Variants in MRPS27 observed in about 807,000 individuals in gnomAD.
MRPS27 encodes the protein small ribosomal subunit protein mS27.
MRPS27 carries 43 observed loss-of-function variants against 48.9 expected under a neutral mutation model. The ratio of observed to expected loss-of-function variants is 0.88; its 90% CI spans 0.69 to 1.13. The LOEUF is 1.13. Ranked by LOEUF, MRPS27 falls within the 50% of genes most tolerant of loss-of-function variation. MRPS27 has a pLI of 0.00. For missense variants in MRPS27, 467 were observed against 476.3 expected (o/e 0.98, Z 0.18); for synonymous variants, 188 against 171.9 (o/e 1.09, Z -0.73).
chr5:72,255,432 G>A (rs894945966), intron 4 of MRPS27, among the ~76,000 whole-genome samples: 7 of 152,064 alleles, frequency 4.6e-5, no homozygotes, highest in Middle Eastern at 3.2e-3. Flanking sequence ...AGGGCTAAAA[G>A]CCTATTAAGT....
intron 2 of MRPS27, among the ~76,000 whole-genome samples, chr5:72,311,946 A>C (rs1471066042): frequency 6.6e-6 from 1 of 152,188 alleles, no homozygotes; most frequent in Admixed American, 6.5e-5. Context: ...CAGCCTGGCC[A>C]ATAGGCAAAA....
intron 1 of MRPS27, among the ~76,000 whole-genome samples, chr5:72,318,974 T>C (rs1165236231): frequency 6.6e-6 from 1 of 152,228 alleles, no homozygotes; most frequent in East Asian, 1.9e-4. Context: ...TTTCACCAGG[T>C]CAGCCACTTA....
At chr5:72,300,709 T>C (rs1028838694) in intron 2 of MRPS27, among the ~76,000 whole-genome samples, 5 of 152,212 alleles carry the variant, frequency 3.3e-5, no homozygotes, top group African/African-American at 1.2e-4. Context: ...TATATATTTC[T>C]CATCACCACT....
At chr5:72,275,296 T>TA (rs1749345242) in intron 4 of MRPS27, among the ~76,000 whole-genome samples, 1 of 151,960 alleles carries the variant, frequency 6.6e-6, no homozygotes, top group South Asian at 2.1e-4. Flanking sequence ...ACAAAGAGAA[T>TA]AAAATACCTA....
chr5:72,234,046 G>C, intron 6 of MRPS27, 73 bp downstream of exon 6: 1 of 1,343,940 alleles, frequency 7.4e-7, no homozygotes, highest in Non-Finnish European at 9.6e-7. Context: ...AAAAGGGGAA[G>C]TTCCTACATT....
At chr5:72,274,203 T>C (rs1034349850) in intron 4 of MRPS27, among the ~76,000 whole-genome samples, 1 of 151,918 alleles carries the variant, frequency 6.6e-6, no homozygotes, top group Admixed American at 6.6e-5. Context: ...AAAACACAAA[T>C]ATTAGCTGGG....
In MRPS27 at chr5:72,276,715, GA is replaced by G. The variant is rs375048550; in HGVS notation, c.281+18815del. 7.6e-3 allele frequency among the ~76,000 whole-genome samples: 1,089 copies of G among 142,750 alleles called. 6 individuals carry two copies. Among genetic ancestry groups the G allele is most frequent in the African/African-American group, 0.025 (981 of 39,178 alleles). The allele number at this position is 142,750 out of a possible 152,430, so 93.6% of individuals were successfully genotyped here. A position where few individuals can be genotyped will look rare whatever the true frequency, so the allele number is the denominator to read the frequency against. On this transcript the variant is annotated intron_variant, in intron 4 of 10. Coordinates refer to ENST00000261413, the MANE Select transcript of MRPS27 (RefSeq NM_015084.3). ...GTCTGCAAGGAACTTAAATTTACCAGAAAAAAAAAAAATGCCACTAAAAAGT... is the reference window on the plus strand; with the variant it reads ...GTCTGCAAGGAACTTAAATTTACCAGAAAAAAAAAAATGCCACTAAAAAGT...
intron 6 of MRPS27, among the ~76,000 whole-genome samples, chr5:72,233,605 C>A (rs999499304): frequency 7.9e-5 from 12 of 151,988 alleles, no homozygotes; most frequent in African/African-American, 2.4e-5. Flanking sequence ...TTTCTATGTT[C>A]TTTTTGCAAA....
chr5:72,319,537 CTTTTTTTTTTTT>C (rs35020848), intron 1 of MRPS27, among the ~76,000 whole-genome samples: 1 of 84,204 alleles, frequency 1.2e-5, no homozygotes, highest in Non-Finnish European at 2.2e-5. Flanking sequence ...TAGGTTTTTC[CTTTTTTTTTTTT>C]TTTTTTTTTT....
chr5:72,291,040 A>C (rs1033411208), intron 4 of MRPS27, among the ~76,000 whole-genome samples: 8 of 152,210 alleles, frequency 5.3e-5, no homozygotes, highest in Non-Finnish European at 1.2e-4. Flanking sequence ...GACAGGTAGC[A>C]TCTCAGGGCC....
chr5:72,270,716 G>C (rs1021722689), intron 4 of MRPS27, among the ~76,000 whole-genome samples: 4 of 152,072 alleles, frequency 2.6e-5, no homozygotes, highest in African/African-American at 9.7e-5. Flanking sequence ...AAGAAATTTG[G>C]AGTCCAGTCT....
At chr5:72,275,584 G>A (rs1023630115) in intron 4 of MRPS27, among the ~76,000 whole-genome samples, 7 of 152,188 alleles carry the variant, frequency 4.6e-5, no homozygotes. Flanking sequence ...ACAATCCTAA[G>A]TGTTAGGAAT....
At chr5:72,289,112 G>T (rs1437895554) in intron 4 of MRPS27, among the ~76,000 whole-genome samples, 2 of 152,198 alleles carry the variant, frequency 1.3e-5, no homozygotes, top group African/African-American at 4.8e-5. Flanking sequence ...TGGCCCAGCT[G>T]TTCCTGACCT....
rs1045310333 is a variant in MRPS27, at chr5:72,220,737, T to G, written c.*172A>C. On this transcript the variant is annotated 3_prime_UTR_variant, in exon 11 of 11. Coordinates refer to ENST00000261413, the MANE Select transcript of MRPS27 (RefSeq NM_015084.3). ...AGCCACCTGCATAGTTCCATAGCCC[T>G]TCTTGGCATCTCGATGGGCAGTCAT... 5.3e-6 allele frequency: 5 copies of G among 949,346 alleles called. No homozygotes were observed. In the African/African-American group the frequency reaches 8.2e-5, roughly 16 times the overall value. The allele number at this position is 949,346 out of a possible 1,614,324, so 58.8% of individuals were successfully genotyped here.
chr5:72,297,605 A>C (rs778640554), intron 3 of MRPS27, 27 bp downstream of exon 3: 1 of 1,458,604 alleles, frequency 6.9e-7, no homozygotes, highest in East Asian at 2.3e-5. Flanking sequence ...TTGTTCTTGG[A>C]AAATATATAT....
At chr5:72,239,711 T>C (rs566348673) in intron 4 of MRPS27, among the ~76,000 whole-genome samples, 227 of 152,332 alleles carry the variant, frequency 1.5e-3, no homozygotes, top group African/African-American at 4.8e-3. Flanking sequence ...AGGGTCTCAC[T>C]GTCACCCAGG....
At chr5:72,285,136 C>A (rs1421074494) in intron 4 of MRPS27, among the ~76,000 whole-genome samples, 1 of 152,122 alleles carries the variant, frequency 6.6e-6, no homozygotes, top group Non-Finnish European at 1.5e-5. Context: ...ACATTCTATT[C>A]CCTCTCTAAT....
intron 4 of MRPS27, among the ~76,000 whole-genome samples, chr5:72,285,390 C>T (rs996132620): frequency 2.0e-5 from 3 of 152,198 alleles, no homozygotes; most frequent in African/African-American, 7.2e-5. Context: ...AACATGTTTT[C>T]TCTAAAACTT....
intron 2 of MRPS27, among the ~76,000 whole-genome samples, chr5:72,308,203 T>C (rs1750330637): frequency 6.6e-6 from 1 of 152,038 alleles, no homozygotes; most frequent in African/African-American, 2.4e-5. Context: ...TCTGGCACAA[T>C]CAGCCACGAG....
Sources: gnomAD v4.1 joint callset for allele counts (sites outside exome capture counted in the v4.1 genomes callset) on GRCh38, gnomAD v4.1.1 for gene constraint, MANE v1.5 for transcripts, NCBI Gene and HGNC (gene_info 2026-07-23, HGNC 2026-07-21) for gene names.